SLC14A2: variants seen among roughly 807,000 people sequenced by gnomAD.
SLC14A2 encodes urea transporter 2.
SLC14A2 carries 91 observed loss-of-function variants against 104.6 expected under a neutral mutation model. That is an observed-to-expected ratio of 0.87 (90% confidence interval 0.73 to 1.04). The LOEUF (loss-of-function observed/expected upper bound fraction) is 1.04. Ranked by LOEUF, SLC14A2 falls within the 50% of genes least tolerant of loss-of-function variation. SLC14A2 has a pLI of 0.00. For missense variants in SLC14A2, 1,189 were observed against 1,156.0 expected, an observed-to-expected ratio of 1.03 and a Z score of -0.41; for synonymous variants, 476 against 466.4, an observed-to-expected ratio of 1.02 and a Z score of -0.27.
At chr18:45,427,809 G>A (rs2086456267) in intron 1 of SLC14A2, among the ~76,000 whole-genome samples, 1 of 152,148 alleles carries the variant, frequency 6.6e-6, no homozygotes, top group Non-Finnish European at 1.5e-5. Context: ...CAAGAGGACA[G>A]GGCAAGCAGG....
chr18:45,626,165 T>C (rs1327766353), intron 3 of SLC14A2, among the ~76,000 whole-genome samples: 1 of 152,196 alleles, frequency 6.6e-6, no homozygotes, highest in African/African-American at 2.4e-5. Context: ...AGGACAACCA[T>C]ATTAGCAACA....
chr18:45,480,071 C>G (rs1240452084), intron 1 of SLC14A2, among the ~76,000 whole-genome samples: 1 of 152,144 alleles, frequency 6.6e-6, no homozygotes, highest in Non-Finnish European at 1.5e-5. Flanking sequence ...GGAAAGGGAG[C>G]CTTTGACTTA....
chr18:45,501,351 G>A (rs1401697150), intron 2 of SLC14A2, among the ~76,000 whole-genome samples: 1 of 152,178 alleles, frequency 6.6e-6, no homozygotes, highest in Non-Finnish European at 1.5e-5. Flanking sequence ...AGTAAGTCAG[G>A]ACCAACCTGA....
At chr18:45,384,338 C>T (rs2085871138) in intron 1 of SLC14A2, among the ~76,000 whole-genome samples, 1 of 152,156 alleles carries the variant, frequency 6.6e-6, no homozygotes, top group Admixed American at 6.5e-5. Flanking sequence ...GGAAAGCACC[C>T]TCCCTGGACC....
intron 1 of SLC14A2, among the ~76,000 whole-genome samples, chr18:45,300,038 C>T (rs950961780): frequency 2.6e-4 from 39 of 152,136 alleles, no homozygotes; most frequent in African/African-American, 8.9e-4. Flanking sequence ...GCCTCTCAGA[C>T]ATCTTGATCA....
intron 1 of SLC14A2, among the ~76,000 whole-genome samples, chr18:45,470,031 A>T (rs1055644198): frequency 1.3e-5 from 2 of 152,200 alleles, no homozygotes; most frequent in Non-Finnish European, 2.9e-5. Context: ...AAGTATTCTG[A>T]TATCTTTAAA....
chr18:45,539,483 G>A (rs1219933000), intron 2 of SLC14A2, among the ~76,000 whole-genome samples: 1 of 152,108 alleles, frequency 6.6e-6, no homozygotes, highest in Non-Finnish European at 1.5e-5. Context: ...GACTTGCAAG[G>A]GCCTGGTCTT....
the SLC14A2 span, chr18:45,179,834 A>G: frequency 6.6e-6 from 1 of 151,462 alleles, no homozygotes; most frequent in South Asian, 2.1e-4. Context: ...AAATGATAGG[A>G]AGCAGAGCAG....
the SLC14A2 span, among the ~76,000 whole-genome samples, chr18:45,175,851 T>C: frequency 6.6e-6 from 1 of 152,156 alleles, no homozygotes; most frequent in South Asian, 2.1e-4. Context: ...CAGCTTGCTG[T>C]GCCCTTAATT....
At chr18:45,447,777 C>A (rs577014928) in intron 1 of SLC14A2, among the ~76,000 whole-genome samples, 3 of 152,154 alleles carry the variant, frequency 2.0e-5, no homozygotes, top group Non-Finnish European at 2.9e-5. Context: ...GCAAATGGAG[C>A]CTTTATACCA....
chr18:45,183,063 T>A, the SLC14A2 span, among the ~76,000 whole-genome samples: 4 of 152,160 alleles, frequency 2.6e-5, no homozygotes, highest in African/African-American at 4.8e-5. Context: ...TATGAACAGT[T>A]AGATTTGGAA....
At position 45,621,785 on chromosome 18, in the gene SLC14A2, G is replaced by C. The variant is rs2045175206; in HGVS notation, c.-34-2846G>C. 2.0e-5 allele frequency among the ~76,000 whole-genome samples: 3 copies of C among 152,184 alleles called. No individual in the cohort carries two copies. In the South Asian group the frequency reaches 6.2e-4, roughly 32 times the overall value. ...TAAGGAAAAATACCTGGTCCCATGA[G>C]AGTATGTGACAGGAGAACATGGTGG... On this transcript the variant is annotated intron_variant, in intron 1 of 19. Transcript: ENST00000255226.
At chr18:45,276,819 C>T (rs982036994) in intron 1 of SLC14A2, among the ~76,000 whole-genome samples, 1 of 152,188 alleles carries the variant, frequency 6.6e-6, no homozygotes, top group Non-Finnish European at 1.5e-5. Context: ...ACAAGCTACA[C>T]CGTAAAGGTT....
rs73427968 is a variant in SLC14A2 at position 45,295,021 on chromosome 18, A to G, written c.-125+81830A>G. Among the ~76,000 whole-genome samples the G allele has an allele frequency of 8.1e-3, 1,230 of 152,334 alleles. 15 individuals are homozygous for G. The highest frequency in any genetic ancestry group is 0.028 in the African/African-American group (1,163 of 41,568). ...TTGTTTCATTCCTTTACTCATTTAC[A>G]TACATCGATTACCTCCAGTGGACAC... On this transcript the variant is annotated intron_variant, in intron 1 of 20. Transcript: ENST00000586448.
At chr18:45,607,164 C>A (rs1445967309) in intron 2 of SLC14A2, among the ~76,000 whole-genome samples, 2 of 152,066 alleles carry the variant, frequency 1.3e-5, no homozygotes, top group Admixed American at 6.5e-5. Context: ...GGTATGTCCC[C>A]AAGGGGTAGC....
intron 1 of SLC14A2, among the ~76,000 whole-genome samples, chr18:45,433,602 C>T (rs4358031): frequency 0.53 from 80,806 of 151,572 alleles, 21,648 homozygotes; most frequent in Admixed American, 0.66. Context: ...AAACTGGAAA[C>T]AGGTGACACA....
intron 1 of SLC14A2, among the ~76,000 whole-genome samples, chr18:45,379,524 CT>C (rs1175743835): frequency 6.6e-6 from 1 of 152,168 alleles, no homozygotes; most frequent in Admixed American, 6.5e-5. Context: ...AGTCATTACT[CT>C]TATCTGAATG....
intron 1 of SLC14A2, among the ~76,000 whole-genome samples, chr18:45,425,998 CA>C (rs35086175): frequency 0.56 from 85,621 of 151,802 alleles, 24,282 homozygotes; most frequent in Admixed American, 0.69. Flanking sequence ...GAACTACTCA[CA>C]ACTCTCTTAC....
At chr18:45,624,015 C>T (rs1202784445) in intron 1 of SLC14A2, among the ~76,000 whole-genome samples, 1 of 152,110 alleles carries the variant, frequency 6.6e-6, no homozygotes, top group Non-Finnish European at 1.5e-5. Context: ...TGGCATAAGC[C>T]CTGACCCTGG....
Sources: allele counts gnomAD v4.1 joint callset (sites outside exome capture counted in the v4.1 genomes callset), GRCh38; gene constraint gnomAD v4.1.1; transcripts MANE v1.5; gene names NCBI Gene and HGNC (gene_info 2026-07-23, HGNC 2026-07-21).